Variants in CTNNA3 observed in about 807,000 individuals in gnomAD.
The protein encoded by CTNNA3 is catenin alpha-3.
A neutral mutation model predicts 95.7 loss-of-function variants in CTNNA3; 76 were observed. The ratio of observed to expected loss-of-function variants is 0.79; its 90% confidence interval spans 0.66 to 0.96. The LOEUF is 0.96. Ranked by LOEUF, CTNNA3 falls within the 40% of genes least tolerant of loss-of-function variation. The probability of loss-of-function intolerance (pLI) is 0.00; values close to 1 mark genes in which losing one functional copy is unlikely to be tolerated. For synonymous variants in CTNNA3, 431 were observed against 374.4 expected, an observed-to-expected ratio of 1.15 and a Z score of -1.74; for missense variants, 1,191 against 1,089.8, an observed-to-expected ratio of 1.09 and a Z score of -1.31.
At chr10:66,524,942 G>A (rs1053758730) in intron 10 of CTNNA3, among the ~76,000 whole-genome samples, 1 of 152,036 alleles carries the variant, frequency 6.6e-6, no homozygotes, top group South Asian at 2.1e-4. Context: ...CCAGCTACTT[G>A]GGAGGCTGAG....
At chr10:66,645,505 A>G (rs963460669) in intron 9 of CTNNA3, among the ~76,000 whole-genome samples, 5 of 152,078 alleles carry the variant, frequency 3.3e-5, no homozygotes, top group Non-Finnish European at 7.3e-5. Context: ...TCTTTGTCAA[A>G]AATGTGTTGA....
chr10:67,642,333 T>G (rs962947215), intron 2 of CTNNA3, among the ~76,000 whole-genome samples: 3 of 151,558 alleles, frequency 2.0e-5, no homozygotes, highest in Non-Finnish European at 2.9e-5. Flanking sequence ...CTTAAACAAA[T>G]TTACAAGAAA....
intron 5 of CTNNA3, among the ~76,000 whole-genome samples, chr10:67,398,567 G>C (rs1844801745): frequency 6.6e-6 from 1 of 152,168 alleles, no homozygotes; most frequent in Non-Finnish European, 1.5e-5. Flanking sequence ...TAAGACTTTG[G>C]GGGACTGTTA....
At chr10:67,535,995 C>A (rs910396592) in intron 4 of CTNNA3, among the ~76,000 whole-genome samples, 5 of 152,018 alleles carry the variant, frequency 3.3e-5, no homozygotes, top group African/African-American at 9.7e-5. Context: ...CAGAAGCAGG[C>A]ACCCAAGGAG....
intron 11 of CTNNA3, among the ~76,000 whole-genome samples, chr10:66,380,074 C>T (rs148210037): frequency 7.8e-4 from 119 of 152,098 alleles, no homozygotes; most frequent in African/African-American, 2.8e-3. Context: ...ATATCTTTAA[C>T]GACTATTTCT....
At chr10:66,787,377 C>T (rs1232594989) in intron 7 of CTNNA3, among the ~76,000 whole-genome samples, 1 of 151,892 alleles carries the variant, frequency 6.6e-6, no homozygotes, top group African/African-American at 2.4e-5. Context: ...TAGAGTAATA[C>T]CCCCTGGTTC....
chr10:66,911,393 C>A (rs909937491), intron 7 of CTNNA3, among the ~76,000 whole-genome samples: 2 of 152,110 alleles, frequency 1.3e-5, no homozygotes, highest in Non-Finnish European at 2.9e-5. Flanking sequence ...GCAAAGAAAA[C>A]AAACTTAGAG....
chr10:66,695,495 C>T (rs932844534), intron 9 of CTNNA3, among the ~76,000 whole-genome samples: 18 of 152,110 alleles, frequency 1.2e-4, no homozygotes, highest in African/African-American at 4.3e-4. Context: ...ATGTAATATT[C>T]ACATTGCTAG....
chr10:67,198,290 C>G (rs1239206892), intron 6 of CTNNA3, among the ~76,000 whole-genome samples: 1 of 152,092 alleles, frequency 6.6e-6, no homozygotes, highest in African/African-American at 2.4e-5. Flanking sequence ...TTTCCCTAAG[C>G]AAGTGGGTAT....
intron 1 of CTNNA3, among the ~76,000 whole-genome samples, chr10:67,681,187 A>C (rs1840619766): frequency 6.6e-6 from 1 of 152,150 alleles, no homozygotes; most frequent in Non-Finnish European, 1.5e-5. Context: ...AAATTCATCT[A>C]GAAATAAATA....
chr10:66,947,547 C>G (rs994827678), intron 7 of CTNNA3, among the ~76,000 whole-genome samples: 30 of 152,032 alleles, frequency 2.0e-4, no homozygotes, highest in African/African-American at 6.8e-4. Flanking sequence ...TCTCCCTCTC[C>G]CCTGCTGAAA....
chr10:67,373,490 G>A (rs927317277), intron 5 of CTNNA3, among the ~76,000 whole-genome samples: 3 of 152,076 alleles, frequency 2.0e-5, no homozygotes, highest in South Asian at 2.1e-4. Flanking sequence ...CCTTGGAGAC[G>A]TACAAAGAGA....
intron 7 of CTNNA3, among the ~76,000 whole-genome samples, chr10:66,956,387 C>T (rs988851932): frequency 6.6e-6 from 1 of 151,952 alleles, no homozygotes; most frequent in African/African-American, 2.4e-5. Context: ...GCATTGCTTG[C>T]TATCTTGTTA....
At chr10:66,397,545 G>A (rs74141474) in intron 11 of CTNNA3, among the ~76,000 whole-genome samples, 11,591 of 151,624 alleles carry the variant, frequency 0.076, 566 homozygotes, top group East Asian at 0.22. Context: ...ATTGAATAAT[G>A]ATATATTCAT....
chr10:66,520,245 C>CTTTTTTTT (rs543882241), intron 11 of CTNNA3, among the ~76,000 whole-genome samples: 12 of 78,064 alleles, frequency 1.5e-4, no homozygotes, highest in Admixed American at 9.1e-4. Flanking sequence ...TAGTATTATT[C>CTTTTTTTT]TTTTTTTTTT....
chr10:66,236,935 T>C (rs1019761827), intron 13 of CTNNA3, among the ~76,000 whole-genome samples: 9 of 150,536 alleles, frequency 6.0e-5, no homozygotes, highest in African/African-American at 2.2e-4. Flanking sequence ...GGCAATGTAG[T>C]GAGGCCATGT....
intron 9 of CTNNA3, among the ~76,000 whole-genome samples, chr10:66,640,447 C>A (rs1307898205): frequency 6.6e-6 from 1 of 152,128 alleles, no homozygotes; most frequent in Non-Finnish European, 1.5e-5. Flanking sequence ...ACCTGAGCTC[C>A]AGAGTCCCTA....
chr10:66,799,646 A>AATATTTTTCATTGACTT (rs1841351497), intron 7 of CTNNA3, among the ~76,000 whole-genome samples: 1 of 151,522 alleles, frequency 6.6e-6, no homozygotes, highest in Non-Finnish European at 1.5e-5. Context: ...CACAAGTTTA[A>AATATTTTTCATTGACTT]TAAGAATCCC....
chr10:67,351,307 T>G (rs1312077285), intron 5 of CTNNA3, among the ~76,000 whole-genome samples: 1 of 151,982 alleles, frequency 6.6e-6, no homozygotes, highest in Non-Finnish European at 1.5e-5. Context: ...TAACTCTACC[T>G]ATTTTCCAAA....
Sources: allele counts gnomAD v4.1 joint callset (sites outside exome capture counted in the v4.1 genomes callset), GRCh38; gene constraint gnomAD v4.1.1; transcripts MANE v1.5; gene names NCBI Gene and HGNC (gene_info 2026-07-23, HGNC 2026-07-21).